The following ANO4 variants were observed in gnomAD, a reference collection of about 807,000 sequenced individuals.
The protein encoded by ANO4 is anoctamin-4.
Under a neutral mutation model 141.9 loss-of-function variants are expected in ANO4, and 69 were observed. The ratio of observed to expected loss-of-function variants is 0.49; its 90% CI spans 0.40 to 0.59. The LOEUF is 0.59. Among genes scored for constraint, ANO4 ranks in the 20% least tolerant of loss-of-function variants. The pLI, the probability that ANO4 is intolerant of heterozygous loss-of-function variation, is 0.00. For synonymous variants in ANO4, 350 were observed against 394.3 expected (o/e 0.89, Z 1.33); for missense variants, 894 against 1,162.2 (o/e 0.77, Z 3.36).
intron 3 of ANO4, among the ~76,000 whole-genome samples, chr12:100,775,721 T>A (rs993058219): frequency 2.0e-5 from 3 of 152,232 alleles, no homozygotes; most frequent in African/African-American, 7.2e-5. Flanking sequence ...AGCATTCATG[T>A]GCTTATTAGC....
At chr12:101,042,980 A>G (rs2047469736) in intron 12 of ANO4, among the ~76,000 whole-genome samples, 1 of 152,222 alleles carries the variant, frequency 6.6e-6, no homozygotes, top group African/African-American at 2.4e-5. Context: ...AATGATCTTA[A>G]ATTGTAAATA....
intron 1 of ANO4, among the ~76,000 whole-genome samples, chr12:100,888,697 T>A (rs1282845838): frequency 6.6e-6 from 1 of 152,090 alleles, no homozygotes; most frequent in Admixed American, 6.5e-5. Context: ...AGGTGGAGAA[T>A]GGATTTGAAG....
intron 3 of ANO4, among the ~76,000 whole-genome samples, chr12:100,752,570 C>G (rs761982320): frequency 6.6e-6 from 1 of 152,038 alleles, no homozygotes; most frequent in South Asian, 2.1e-4. Flanking sequence ...ACCTGAAATC[C>G]TTTGGAAACC....
At chr12:101,105,958 A>G (rs1259547191) in intron 22 of ANO4, among the ~76,000 whole-genome samples, 1 of 152,142 alleles carries the variant, frequency 6.6e-6, no homozygotes, top group Non-Finnish European at 1.5e-5. Flanking sequence ...CTAAAAATAC[A>G]AAAATTAGCT....
At chr12:101,094,674 C>T (rs1430486154) in intron 18 of ANO4, among the ~76,000 whole-genome samples, 1 of 152,154 alleles carries the variant, frequency 6.6e-6, no homozygotes, top group Non-Finnish European at 1.5e-5. Context: ...TATAAACTCA[C>T]AGCAAAGTTA....
At chr12:100,992,205 G>A (rs1272996134) in intron 8 of ANO4, among the ~76,000 whole-genome samples, 1 of 152,152 alleles carries the variant, frequency 6.6e-6, no homozygotes, top group Non-Finnish European at 1.5e-5. Flanking sequence ...TTCAAAATGT[G>A]CATCTAATCA....
intron 1 of ANO4, among the ~76,000 whole-genome samples, chr12:100,843,380 C>T (rs2037385448): frequency 6.6e-6 from 1 of 152,150 alleles, no homozygotes; most frequent in South Asian, 2.1e-4. Flanking sequence ...AATATTGTAA[C>T]TCTGTAAAAA....
chr12:100,779,729 T>C (rs7959274), intron 3 of ANO4, among the ~76,000 whole-genome samples: 101,754 of 151,860 alleles, frequency 0.67, 34,278 homozygotes, highest in East Asian at 0.79. Context: ...TTCTCAGACA[T>C]GTAGTTGCCA....
At chr12:100,860,252 C>T (rs1033917207) in intron 1 of ANO4, among the ~76,000 whole-genome samples, 2 of 152,160 alleles carry the variant, frequency 1.3e-5, no homozygotes, top group African/African-American at 4.8e-5. Context: ...GGGGGAAATT[C>T]TGATGCTAAA....
At chr12:100,998,407 CTAT>C (rs1381578390) in intron 8 of ANO4, among the ~76,000 whole-genome samples, 140 of 152,042 alleles carry the variant, frequency 9.2e-4, no homozygotes, top group African/African-American at 3.2e-3. Context: ...ATCTATCTAT[CTAT>C]CTATCCATCC....
At chr12:100,782,423 C>A (rs187665569) in intron 3 of ANO4, among the ~76,000 whole-genome samples, 1 of 152,196 alleles carries the variant, frequency 6.6e-6, no homozygotes, top group Non-Finnish European at 1.5e-5. Flanking sequence ...CTTGGCATTT[C>A]CTAGTCTGCT....
chr12:100,799,674 G>A (rs1204217523), intron 1 of ANO4, among the ~76,000 whole-genome samples: 2 of 152,190 alleles, frequency 1.3e-5, no homozygotes, highest in Non-Finnish European at 1.5e-5. Context: ...CCAGGAGGCG[G>A]AGGTTGCAGT....
intron 18 of ANO4, 144 bp downstream of exon 18, chr12:101,094,436 G>T: frequency 1.8e-6 from 1 of 556,240 alleles, no homozygotes; most frequent in Non-Finnish European, 3.0e-6. Flanking sequence ...GCCTTCAACA[G>T]AATAATTTAA....
intron 17 of ANO4, among the ~76,000 whole-genome samples, chr12:101,093,055 A>G (rs2049841924): frequency 6.6e-6 from 1 of 152,190 alleles, no homozygotes; most frequent in Non-Finnish European, 1.5e-5. Flanking sequence ...TCAAATGGGT[A>G]TGACTAACCT....
intron 26 of ANO4, among the ~76,000 whole-genome samples, chr12:101,124,493 T>C (rs2137073486): frequency 6.6e-6 from 1 of 152,302 alleles, no homozygotes; most frequent in Non-Finnish European, 1.5e-5. Context: ...ATTTGTCAAT[T>C]TTTTCTTTTG....
At chr12:100,804,703 C>G (rs188558588) in intron 1 of ANO4, among the ~76,000 whole-genome samples, 116 of 152,230 alleles carry the variant, frequency 7.6e-4, no homozygotes, top group African/African-American at 2.3e-3. Context: ...TAATGATCAG[C>G]GATGCTGAGT....
intron 13 of ANO4, among the ~76,000 whole-genome samples, chr12:101,046,118 G>C (rs992362405): frequency 2.0e-5 from 3 of 152,264 alleles, no homozygotes; most frequent in African/African-American, 7.2e-5. Context: ...GAGTGCTACT[G>C]CTCTATCAGA....
intron 1 of ANO4, among the ~76,000 whole-genome samples, chr12:100,717,839 G>C (rs1354724597): frequency 6.6e-6 from 1 of 152,246 alleles, no homozygotes; most frequent in Non-Finnish European, 1.5e-5. Context: ...CAGGGGAAGG[G>C]ACGCGGGTGT....
chr12:100,982,443 A>G (rs966708407), intron 7 of ANO4, among the ~76,000 whole-genome samples: 1 of 152,226 alleles, frequency 6.6e-6, no homozygotes, highest in Non-Finnish European at 1.5e-5. Flanking sequence ...TTAACTATTT[A>G]GGGATGTTTA....
Sources: allele counts gnomAD v4.1 joint callset (sites outside exome capture counted in the v4.1 genomes callset), GRCh38; gene constraint gnomAD v4.1.1; transcripts MANE v1.5; gene names NCBI Gene and HGNC (gene_info 2026-07-23, HGNC 2026-07-21).